CEP112: variants seen among roughly 807,000 people sequenced by gnomAD.
CEP112 encodes the protein centrosomal protein of 112 kDa.
A neutral mutation model predicts 153.0 loss-of-function variants in CEP112; 127 were observed. The ratio of observed to expected loss-of-function variants is 0.83; its 90% confidence interval spans 0.72 to 0.96. The LOEUF (loss-of-function observed/expected upper bound fraction) is 0.96. Ranked by LOEUF, CEP112 falls within the 40% of genes least tolerant of loss-of-function variation. The pLI, the probability that CEP112 is intolerant of heterozygous loss-of-function variation, is 0.00. For synonymous variants in CEP112, 358 were observed against 374.4 expected, an observed-to-expected ratio of 0.96 and a Z score of 0.51; for missense variants, 1,089 against 1,101.2, an observed-to-expected ratio of 0.99 and a Z score of 0.16.
At chr17:65,825,600 T>C (rs1232132666) in intron 21 of CEP112, among the ~76,000 whole-genome samples, 1 of 152,050 alleles carries the variant, frequency 6.6e-6, no homozygotes, top group African/African-American at 2.4e-5. Context: ...AAAAAAAAAT[T>C]CTCGAGACGG....
rs773433478 is a variant in CEP112 at position 65,654,056 on chromosome 17, CAAAAAAAAAAAA to C, written c.2698-13003_2698-12992del. On this transcript the variant is annotated intron_variant, in intron 24 of 26. Transcript: ENST00000535342. ...CCTGGCAACCAGAGCAAGACTCCATCAAAAAAAAAAAAAAAAAAAAAAAAAGAATAGGAATGA... is the reference window on the plus strand; with the variant it reads ...CCTGGCAACCAGAGCAAGACTCCATCAAAAAAAAAAAAAGAATAGGAATGA... Among the ~76,000 whole-genome samples, 8 of 26,882 alleles carry C rather than the reference CAAAAAAAAAAAA, an allele frequency of 3.0e-4. No individual in the cohort carries two copies. The South Asian group carries it at 6.5e-3, about 22-fold the overall frequency. The allele number at this position is 26,882 out of a possible 152,430, so 17.6% of individuals were successfully genotyped here. A position where few individuals can be genotyped will look rare whatever the true frequency, so the allele number is the denominator to read the frequency against.
intron 24 of CEP112, among the ~76,000 whole-genome samples, chr17:65,676,824 A>C (rs1255849521): frequency 6.6e-6 from 1 of 152,230 alleles, no homozygotes; most frequent in Non-Finnish European, 1.5e-5. Context: ...AGTTGGGATC[A>C]TTCGGTTTAG....
chr17:65,668,857 T>C (rs2046828374), intron 24 of CEP112, among the ~76,000 whole-genome samples: 1 of 152,200 alleles, frequency 6.6e-6, no homozygotes, highest in South Asian at 2.1e-4. Context: ...TGGCATGAGA[T>C]GCTTTTCTTT....
In CEP112 at chr17:65,784,123, G is replaced by A. The variant is rs369424560; in HGVS notation, c.2395-33399C>T. On this transcript the variant is annotated intron_variant, in intron 21 of 26. Transcript: ENST00000535342. The stretch of plus-strand genomic sequence containing the variant: ...AAGACAAACACTAGGTTCTTTATGC[G>A]TGAGAAAATGGGAAAAATAAAATGC... Among the ~76,000 whole-genome samples, 31 of 152,324 alleles carry A rather than the reference G, an allele frequency of 2.0e-4. No homozygotes were observed. The East Asian group carries it at 3.7e-3, about 18-fold the overall frequency.
intron 21 of CEP112, among the ~76,000 whole-genome samples, chr17:65,752,028 AT>A (rs2051903532): frequency 6.7e-6 from 1 of 148,960 alleles, no homozygotes; most frequent in Non-Finnish European, 1.5e-5. Flanking sequence ...CCATCCATCC[AT>A]CCATCCATCC....
intron 17 of CEP112, among the ~76,000 whole-genome samples, chr17:66,002,666 T>A (rs1352292874): frequency 1.3e-5 from 2 of 152,194 alleles, no homozygotes; most frequent in Non-Finnish European, 2.9e-5. Context: ...ATTATTACCT[T>A]ATTATGTTTT....
intron 6 of CEP112, among the ~76,000 whole-genome samples, chr17:66,128,571 A>G (rs958241522): frequency 2.0e-5 from 3 of 152,200 alleles, no homozygotes; most frequent in African/African-American, 7.2e-5. Flanking sequence ...GACAACTGAT[A>G]CTGCTGGTTG....
intron 18 of CEP112, among the ~76,000 whole-genome samples, chr17:65,946,207 TG>T (rs568858532): frequency 4.9e-4 from 75 of 152,232 alleles, no homozygotes; most frequent in African/African-American, 1.7e-3. Context: ...TAAAATATTT[TG>T]TTTTTTATGC....
At chr17:65,919,872 T>A (rs1273384017) in intron 19 of CEP112, among the ~76,000 whole-genome samples, 3 of 152,154 alleles carry the variant, frequency 2.0e-5, no homozygotes, top group African/African-American at 7.2e-5. Context: ...GGGTTCAATT[T>A]CTGCCCCCTG....
chr17:65,914,454 T>G (rs1568219012), intron 19 of CEP112, among the ~76,000 whole-genome samples: 1 of 152,044 alleles, frequency 6.6e-6, no homozygotes, highest in African/African-American at 2.4e-5. Flanking sequence ...TATTCATCAT[T>G]TTGAATGAAA....
intron 8 of CEP112, among the ~76,000 whole-genome samples, chr17:66,094,521 A>C (rs1392742868): frequency 6.6e-6 from 1 of 152,180 alleles, no homozygotes; most frequent in Non-Finnish European, 1.5e-5. Context: ...AGAGACTTAA[A>C]TGTGAGACCT....
chr17:65,896,224 A>G (rs1209102894), intron 20 of CEP112, among the ~76,000 whole-genome samples: 1 of 152,102 alleles, frequency 6.6e-6, no homozygotes, highest in Non-Finnish European at 1.5e-5. Context: ...GATACACTGT[A>G]TCTTCTACAA....
chr17:65,639,625 C>T (rs1814464932), intron 25 of CEP112, among the ~76,000 whole-genome samples: 1 of 144,730 alleles, frequency 6.9e-6, no homozygotes, highest in South Asian at 2.2e-4. Flanking sequence ...GCAGAAGGTG[C>T]AGTGAGCTGA....
At chr17:65,905,937 T>TC (rs1443718714) in intron 19 of CEP112, among the ~76,000 whole-genome samples, 2 of 150,714 alleles carry the variant, frequency 1.3e-5, no homozygotes, top group Non-Finnish European at 3.0e-5. Flanking sequence ...AGGGCCAGAC[T>TC]CCGTCTCAAA....
chr17:65,643,444 C>T (rs940641194), intron 24 of CEP112, among the ~76,000 whole-genome samples: 35 of 149,142 alleles, frequency 2.3e-4, no homozygotes, highest in African/African-American at 8.0e-4. Flanking sequence ...ATTACAAGCA[C>T]GCACCACCAC....
intron 23 of CEP112, among the ~76,000 whole-genome samples, chr17:65,694,992 C>G (rs543442563): frequency 6.8e-4 from 104 of 152,358 alleles, no homozygotes; most frequent in African/African-American, 2.5e-3. Flanking sequence ...TCTCCTAGCT[C>G]TGCAGTGTTA....
intron 4 of CEP112, among the ~76,000 whole-genome samples, chr17:66,142,735 CT>C (rs1416961570): frequency 3.3e-5 from 5 of 152,262 alleles, no homozygotes; most frequent in Admixed American, 2.0e-4. Flanking sequence ...CAGTATCATA[CT>C]GTTTCAATTA....
chr17:65,671,688 T>A (rs188529746), intron 24 of CEP112, among the ~76,000 whole-genome samples: 102 of 152,324 alleles, frequency 6.7e-4, no homozygotes, highest in Admixed American at 5.9e-3. Flanking sequence ...AGTACTTGTG[T>A]GTGTATGTGT....
At chr17:65,958,196 T>C (rs1447365040) in intron 18 of CEP112, among the ~76,000 whole-genome samples, 4 of 152,216 alleles carry the variant, frequency 2.6e-5, no homozygotes, top group Non-Finnish European at 5.9e-5. Context: ...GATTGGTTCA[T>C]GTATTCATAC....
Sources: gnomAD v4.1 joint callset for allele counts (sites outside exome capture counted in the v4.1 genomes callset) on GRCh38, gnomAD v4.1.1 for gene constraint, MANE v1.5 for transcripts, NCBI Gene and HGNC (gene_info 2026-07-23, HGNC 2026-07-21) for gene names.